The following PRR5L variants were observed in gnomAD, a reference collection of about 807,000 sequenced individuals.
PRR5L encodes the protein proline-rich protein 5-like.
Under a neutral mutation model 36.4 loss-of-function variants are expected in PRR5L, and 21 were observed. The observed-to-expected ratio is 0.58, with a 90% CI of 0.41 to 0.83. The LOEUF is 0.83. Among genes scored for constraint, PRR5L ranks in the 40% least tolerant of loss-of-function variants. PRR5L has a pLI of 0.00. For missense variants in PRR5L, 381 were observed against 473.3 expected, an observed-to-expected ratio of 0.80 and a Z score of 1.81; for synonymous variants, 188 against 197.0, an observed-to-expected ratio of 0.95 and a Z score of 0.38.
At chr11:36,426,510 T>G (rs1402224157) in intron 4 of PRR5L, among the ~76,000 whole-genome samples, 1 of 152,186 alleles carries the variant, frequency 6.6e-6, no homozygotes, top group Non-Finnish European at 1.5e-5. Flanking sequence ...CAACAAGGTA[T>G]AAGTATTTGT....
intron 8 of PRR5L, among the ~76,000 whole-genome samples, chr11:36,456,735 C>T (rs1859065688): frequency 6.6e-6 from 1 of 152,250 alleles, no homozygotes; most frequent in Non-Finnish European, 1.5e-5. Flanking sequence ...CTTTTTGGTA[C>T]AGTACCTAGC....
intron 1 of PRR5L, among the ~76,000 whole-genome samples, chr11:36,315,154 A>G (rs1856542870): frequency 6.6e-6 from 1 of 152,232 alleles, no homozygotes; most frequent in African/African-American, 2.4e-5. Flanking sequence ...AAGTTACTTA[A>G]TCACTACACA....
At position 36,385,292 on chromosome 11, in the gene PRR5L, G is replaced by A. The variant is rs117153510; in HGVS notation, c.-125-15705G>A. On this transcript the variant is annotated intron_variant, in intron 1 of 8. Coordinates refer to ENST00000530639, the MANE Select transcript of PRR5L (RefSeq NM_001160167.2). Reference sequence around the variant, plus strand: ...TTTGGGGGCCACACCCAGACAATATGCACTCCAAGAAACTTGATACTTAAA... The same window carrying A: ...TTTGGGGGCCACACCCAGACAATATACACTCCAAGAAACTTGATACTTAAA... 1.3e-3 allele frequency among the ~76,000 whole-genome samples: 198 copies of A among 152,280 alleles called. 2 individuals are homozygous for A. In the East Asian group the frequency reaches 0.027, roughly 21 times the overall value.
chr11:36,302,145 T>C (rs1159213256), intron 1 of PRR5L, among the ~76,000 whole-genome samples: 1 of 152,190 alleles, frequency 6.6e-6, no homozygotes, highest in East Asian at 1.9e-4. Context: ...AGCGCATTGA[T>C]GGGAGGTAAG....
intron 3 of PRR5L, among the ~76,000 whole-genome samples, chr11:36,405,736 C>A (rs1857895966): frequency 6.6e-6 from 1 of 152,200 alleles, no homozygotes; most frequent in Admixed American, 6.5e-5. Context: ...ATTTATTTCT[C>A]AATGTCCTGG....
chr11:36,419,882 A>G (rs4756314), intron 4 of PRR5L, among the ~76,000 whole-genome samples: 149,449 of 152,298 alleles, frequency 0.98, 73,390 homozygotes, highest in East Asian at 1. Flanking sequence ...AGTTTTGACC[A>G]TGGGGATCCC....
chr11:36,368,528 A>T (rs1565420635), intron 1 of PRR5L, among the ~76,000 whole-genome samples: 1 of 152,208 alleles, frequency 6.6e-6, no homozygotes, highest in Non-Finnish European at 1.5e-5. Flanking sequence ...AATCTCTAAG[A>T]CCTGGCAGAG....
chr11:36,443,371 T>C (rs1412018060), intron 6 of PRR5L, among the ~76,000 whole-genome samples: 1 of 152,186 alleles, frequency 6.6e-6, no homozygotes, highest in African/African-American at 2.4e-5. Flanking sequence ...AAACACCTCC[T>C]GCTAGGCCCC....
intron 1 of PRR5L, among the ~76,000 whole-genome samples, chr11:36,360,714 A>G (rs986040564): frequency 2.6e-5 from 4 of 152,196 alleles, no homozygotes; most frequent in Non-Finnish European, 2.9e-5. Context: ...ACCCAGGGGG[A>G]AAATCTGTGT....
chr11:36,462,355 C>T lies in PRR5L; in HGVS notation c.726C>T (p.Ser242=), dbSNP rs771396413. Residue 242 remains serine, a synonymous_variant, in exon 9 of 9, where the codon TCC becomes TCT. Transcript: ENST00000530639. ...TTTCTCTTGCAGCCAGGCGGCACTCCAGGGTCCGGCCCAAGGTGACTGTCC... is the reference window on the plus strand; with the variant it reads ...TTTCTCTTGCAGCCAGGCGGCACTCTAGGGTCCGGCCCAAGGTGACTGTCC... The part of the protein sequence containing the change: ...GPTYTLARRH[S]RVRPKVTVLN... 6.7e-7 allele frequency: 1 copy of T among 1,498,100 alleles called. No homozygotes were observed. 92.8% of individuals were successfully genotyped at this position (1,498,100 alleles called of 1,614,324 possible).
chr11:36,368,175 T>C (rs1264967790), intron 1 of PRR5L, among the ~76,000 whole-genome samples: 1 of 152,108 alleles, frequency 6.6e-6, no homozygotes, highest in Non-Finnish European at 1.5e-5. Flanking sequence ...ATTGAAATCA[T>C]GGAGAATTAT....
At chr11:36,448,488 T>C (rs914950166) in intron 7 of PRR5L, among the ~76,000 whole-genome samples, 1 of 152,200 alleles carries the variant, frequency 6.6e-6, no homozygotes, top group African/African-American at 2.4e-5. Context: ...CAGAACACTT[T>C]GTCTTCTGGG....
intron 7 of PRR5L, 65 bp from the exon 8 acceptor site, chr11:36,451,140 TTGAG>T: frequency 6.3e-7 from 1 of 1,574,964 alleles, no homozygotes. Flanking sequence ...TCAGGATTTG[TTGAG>T]TGAGAACCTG....
At chr11:36,320,403 G>T (rs964960706) in intron 1 of PRR5L, among the ~76,000 whole-genome samples, 2 of 55,822 alleles carry the variant, frequency 3.6e-5, no homozygotes, top group Non-Finnish European at 7.7e-5. Flanking sequence ...GCCGCCACAC[G>T]CAGCTAATTT....
At chr11:36,432,024 T>A in intron 5 of PRR5L, 114 bp downstream of exon 5, 1 of 838,978 alleles carries the variant, frequency 1.2e-6, no homozygotes. Flanking sequence ...TGATTCACCC[T>A]GTCCGTTTCC....
Position 36,350,980 on chromosome 11 carries a change from T to TTATATATTTTTATATATTTA in PRR5L, c.-125-50008_-125-50007insTTATATATTTATATATATTT. On this transcript the variant is annotated intron_variant, in intron 1 of 8. Coordinates refer to ENST00000530639, the MANE Select transcript of PRR5L (RefSeq NM_001160167.2). ...TATATATTTATATATTTATATATAT[T>TTATATATTTTTATATATTTA]TATATATTTATATATTTATATATAT... Among the ~76,000 whole-genome samples the TTATATATTTTTATATATTTA allele has an allele frequency of 4.6e-5, 2 of 43,376 alleles. 1 individual carries two copies. The highest frequency in any genetic ancestry group is 7.3e-4 in the Admixed American group (2 of 2,750). The allele number at this position is 43,376 out of a possible 152,430, so 28.5% of individuals were successfully genotyped here. A position where few individuals can be genotyped will look rare whatever the true frequency, so the allele number is the denominator to read the frequency against.
intron 1 of PRR5L, among the ~76,000 whole-genome samples, chr11:36,345,063 C>A (rs998701119): frequency 3.9e-5 from 6 of 152,096 alleles, no homozygotes; most frequent in African/African-American, 1.4e-4. Context: ...CCAGCTTGGG[C>A]TTGACTGGAG....
chr11:36,340,579 T>C (rs1856808403), intron 1 of PRR5L, among the ~76,000 whole-genome samples: 1 of 152,178 alleles, frequency 6.6e-6, no homozygotes, highest in Non-Finnish European at 1.5e-5. Flanking sequence ...GCCACACTAG[T>C]AGTGAAATGT....
intron 1 of PRR5L, chr11:36,349,895 A>T (rs1316510929): frequency 6.6e-6 from 1 of 152,066 alleles, no homozygotes; most frequent in East Asian, 1.9e-4. Context: ...TGTGAGCAAA[A>T]AAGAGGCAAT....
Sources: gnomAD v4.1 joint callset for allele counts (sites outside exome capture counted in the v4.1 genomes callset) on GRCh38, gnomAD v4.1.1 for gene constraint, MANE v1.5 for transcripts, NCBI Gene and HGNC (gene_info 2026-07-23, HGNC 2026-07-21) for gene names.